CPA6: variants seen among roughly 807,000 people sequenced by gnomAD.
CPA6 encodes the protein carboxypeptidase B.
In CPA6, 58 loss-of-function variants were observed where a neutral mutation model predicts 63.3. That is an observed-to-expected ratio of 0.92 (90% confidence interval 0.74 to 1.14). CPA6 has a LOEUF of 1.14. Among genes scored for constraint, CPA6 ranks in the 50% most tolerant of loss-of-function variants. The pLI, the probability that CPA6 is intolerant of heterozygous loss-of-function variation, is 0.00. For missense variants in CPA6, 565 were observed against 526.6 expected, an observed-to-expected ratio of 1.07 and a Z score of -0.71; for synonymous variants, 185 against 179.0, an observed-to-expected ratio of 1.03 and a Z score of -0.27.
chr8:67,610,779 G>A (rs1346287580), intron 2 of CPA6, among the ~76,000 whole-genome samples: 1 of 151,318 alleles, frequency 6.6e-6, no homozygotes, highest in African/African-American at 2.4e-5. Context: ...CTTTTTTTTT[G>A]AGCTTGATAA....
chr8:67,503,683 T>G (rs1811873589), intron 6 of CPA6, among the ~76,000 whole-genome samples: 1 of 152,044 alleles, frequency 6.6e-6, no homozygotes, highest in South Asian at 2.1e-4. Flanking sequence ...TAATAATAAT[T>G]GATTTTATTG....
At chr8:67,586,537 G>A (rs748301445) in intron 2 of CPA6, among the ~76,000 whole-genome samples, 2 of 152,148 alleles carry the variant, frequency 1.3e-5, no homozygotes, top group Non-Finnish European at 2.9e-5. Flanking sequence ...ATGAGTCTGT[G>A]TTAAGGTGTT....
chr8:67,738,524 C>T (rs1269940418), intron 1 of CPA6, among the ~76,000 whole-genome samples: 1 of 151,766 alleles, frequency 6.6e-6, no homozygotes, highest in Non-Finnish European at 1.5e-5. Context: ...TTCGTCATAG[C>T]AAAACTAAGA....
chr8:67,455,663 CAAAAAAAA>C (rs552041509), intron 8 of CPA6, among the ~76,000 whole-genome samples: 1 of 30,250 alleles, frequency 3.3e-5, no homozygotes, highest in Non-Finnish European at 5.2e-5. Context: ...TCTACAAAAG[CAAAAAAAA>C]AAAAAAAAAA....
intron 1 of CPA6, among the ~76,000 whole-genome samples, chr8:67,667,644 G>C (rs1191937380): frequency 6.6e-6 from 1 of 152,182 alleles, no homozygotes; most frequent in African/African-American, 2.4e-5. Context: ...CTCAGAGTTA[G>C]GAGTGAAACT....
intron 1 of CPA6, among the ~76,000 whole-genome samples, chr8:67,631,243 A>G (rs562172123): frequency 6.6e-6 from 1 of 152,242 alleles, no homozygotes; most frequent in Non-Finnish European, 1.5e-5. Flanking sequence ...TGCGCCAATC[A>G]GCACTCTGTG....
intron 2 of CPA6, among the ~76,000 whole-genome samples, chr8:67,613,421 C>T (rs563934402): frequency 2.0e-5 from 3 of 152,308 alleles, no homozygotes; most frequent in African/African-American, 7.2e-5. Flanking sequence ...AGACATCAGT[C>T]CTATCCAAAG....
chr8:67,640,693 C>T (rs1483992063), intron 1 of CPA6, among the ~76,000 whole-genome samples: 1 of 151,354 alleles, frequency 6.6e-6, no homozygotes, highest in Non-Finnish European at 1.5e-5. Context: ...GGAGCTCCTG[C>T]CCCACCAACT....
At chr8:67,683,807 CA>C (rs1816648702) in intron 1 of CPA6, among the ~76,000 whole-genome samples, 1 of 150,468 alleles carries the variant, frequency 6.6e-6, no homozygotes, top group Non-Finnish European at 1.5e-5. Context: ...TTTTATCTAC[CA>C]ATTTCCTTCT....
chr8:67,667,319 G>A (rs561103033), intron 1 of CPA6, among the ~76,000 whole-genome samples: 18 of 152,200 alleles, frequency 1.2e-4, no homozygotes, highest in African/African-American at 4.3e-4. Context: ...ATCTGAAAAG[G>A]ACCTCAGAGA....
At chr8:67,671,423 T>A (rs1816340601) in intron 1 of CPA6, among the ~76,000 whole-genome samples, 1 of 152,198 alleles carries the variant, frequency 6.6e-6, no homozygotes, top group Non-Finnish European at 1.5e-5. Context: ...AGGATCACCT[T>A]GCTGTAGTGT....
At chr8:67,472,390 AT>A (rs1811081802) in intron 8 of CPA6, among the ~76,000 whole-genome samples, 1 of 121,756 alleles carries the variant, frequency 8.2e-6, no homozygotes. Flanking sequence ...ATTTTATTTT[AT>A]TTTATTTTAT....
chr8:67,498,533 C>A (rs1406062226), intron 6 of CPA6, among the ~76,000 whole-genome samples: 5 of 80,002 alleles, frequency 6.2e-5, no homozygotes, highest in African/African-American at 3.3e-4. Context: ...GAGACTCCAT[C>A]TCAAAAAAAA....
chr8:67,661,206 A>G (rs1290300458), intron 1 of CPA6, among the ~76,000 whole-genome samples: 1 of 152,228 alleles, frequency 6.6e-6, no homozygotes, highest in Non-Finnish European at 1.5e-5. Flanking sequence ...AGAAGGTATC[A>G]GAGGAAAGCC....
intron 1 of CPA6, among the ~76,000 whole-genome samples, chr8:67,671,755 T>C (rs1216128458): frequency 6.6e-6 from 1 of 152,258 alleles, no homozygotes; most frequent in African/African-American, 2.4e-5. Flanking sequence ...TGCAGTGATC[T>C]GCAAACACTT....
chr8:67,484,288 G>A (rs895151571), intron 7 of CPA6, among the ~76,000 whole-genome samples: 2 of 151,962 alleles, frequency 1.3e-5, no homozygotes, highest in Admixed American at 6.6e-5. Context: ...TAGCCAGGAT[G>A]GTCTCGATCT....
chr8:67,512,706 C>G (rs1207565620), intron 3 of CPA6, among the ~76,000 whole-genome samples: 2 of 151,558 alleles, frequency 1.3e-5, no homozygotes, highest in Non-Finnish European at 2.9e-5. Context: ...TTTTCCTGGG[C>G]CTGGCAGGTA....
intron 6 of CPA6, among the ~76,000 whole-genome samples, chr8:67,486,352 A>G (rs541130805): frequency 5.3e-5 from 8 of 152,380 alleles, no homozygotes; most frequent in African/African-American, 1.9e-4. Flanking sequence ...GCTATGTGAC[A>G]CTTGATATTT....
intron 1 of CPA6, among the ~76,000 whole-genome samples, chr8:67,713,097 G>GTATATATATATA (rs1172040978): frequency 2.2e-4 from 13 of 60,246 alleles, no homozygotes; most frequent in East Asian, 1.2e-3. Context: ...GTGTGTGTGT[G>GTATATATATATA]TGTATATATA....
Sources: gnomAD v4.1 joint callset for allele counts (sites outside exome capture counted in the v4.1 genomes callset) on GRCh38, gnomAD v4.1.1 for gene constraint, MANE v1.5 for transcripts, NCBI Gene and HGNC (gene_info 2026-07-23, HGNC 2026-07-21) for gene names.